ARFIP1: variants seen among roughly 807,000 people sequenced by gnomAD.
ARFIP1 encodes arfaptin-1.
In ARFIP1, 24 loss-of-function variants were observed where a neutral mutation model predicts 42.5. The observed-to-expected ratio is 0.57, with a 90% confidence interval of 0.41 to 0.80. The LOEUF (loss-of-function observed/expected upper bound fraction) is 0.80, where lower values mean the gene tolerates loss of function less well. Among genes scored for constraint, ARFIP1 ranks in the 30% least tolerant of loss-of-function variants. The probability of loss-of-function intolerance (pLI) is 0.00; values close to 1 mark genes in which losing one functional copy is unlikely to be tolerated. For synonymous variants in ARFIP1, 141 were observed against 153.7 expected (o/e 0.92, Z 0.61); for missense variants, 354 against 434.0 (o/e 0.82, Z 1.64).
In ARFIP1 at chr4:152,847,124, C is replaced by CTTTTTTTTTTT. The variant is rs771661005; in HGVS notation, c.94-16468_94-16458dup. ...GTATGTTAATGTTTTTAGGTTTGTTCTTTTTTTTTTTTTTTTTTTTTTTTG... is the reference window on the plus strand; with the variant it reads ...GTATGTTAATGTTTTTAGGTTTGTTCTTTTTTTTTTTTTTTTTTTTTTTTTTTTTTTTTTTG... On this transcript the variant is annotated intron_variant, in intron 2 of 8. Coordinates refer to ENST00000353617, the MANE Select transcript of ARFIP1 (RefSeq NM_001025595.3). Among the ~76,000 whole-genome samples, 224 of 40,548 alleles carry CTTTTTTTTTTT rather than the reference C, an allele frequency of 5.5e-3. 46 individuals are homozygous for CTTTTTTTTTTT. Among genetic ancestry groups the CTTTTTTTTTTT allele is most frequent in the South Asian group, 0.016 (13 of 814 alleles). The allele number at this position is 40,548 out of a possible 152,430, so 26.6% of individuals were successfully genotyped here. A position where few individuals can be genotyped will look rare whatever the true frequency, so the allele number is the denominator to read the frequency against.
intron 8 of ARFIP1, among the ~76,000 whole-genome samples, chr4:152,909,781 ATTT>A (rs1402752854): frequency 6.6e-6 from 1 of 152,220 alleles, no homozygotes; most frequent in Non-Finnish European, 1.5e-5. Context: ...ATTTAATGAT[ATTT>A]TTAATTAATC....
rs1738781538 is a variant in ARFIP1, at chr4:152,910,745, A to G, written c.*526A>G. ...CACACAGAGGCAGCAGCTCTAATGAATGATTAGCTTGTGGAGTTGTGGCAA... is the reference window on the plus strand; with the variant it reads ...CACACAGAGGCAGCAGCTCTAATGAGTGATTAGCTTGTGGAGTTGTGGCAA... On this transcript the variant is annotated 3_prime_UTR_variant, in exon 9 of 9. Transcript: ENST00000353617. The G allele has an allele frequency of 6.6e-6, 1 of 152,438 alleles. No homozygotes were observed. The highest frequency in any genetic ancestry group is 2.4e-5 in the African/African-American group (1 of 41,568). The allele number at this position is 152,438 out of a possible 1,614,324, so 9.4% of individuals were successfully genotyped here.
At chr4:152,785,870 A>G (rs1730773517) in intron 1 of ARFIP1, among the ~76,000 whole-genome samples, 1 of 152,242 alleles carries the variant, frequency 6.6e-6, no homozygotes, top group Non-Finnish European at 1.5e-5. Flanking sequence ...GCCACATTTC[A>G]GTGTCAGTAT....
intron 3 of ARFIP1, among the ~76,000 whole-genome samples, chr4:152,866,985 G>C (rs563641848): frequency 6.6e-6 from 1 of 150,890 alleles, no homozygotes; most frequent in Non-Finnish European, 1.5e-5. Flanking sequence ...GATGGCGGCC[G>C]GGCAGAGACG....
intron 8 of ARFIP1, among the ~76,000 whole-genome samples, chr4:152,909,547 G>A (rs1414814510): frequency 6.6e-6 from 1 of 152,092 alleles, no homozygotes; most frequent in Non-Finnish European, 1.5e-5. Flanking sequence ...AAATAATTGA[G>A]AGTCATATGA....
intron 2 of ARFIP1, among the ~76,000 whole-genome samples, chr4:152,844,792 A>T (rs576676946): frequency 6.6e-6 from 1 of 152,312 alleles, no homozygotes; most frequent in Non-Finnish European, 1.5e-5. Context: ...TACTGCCTAA[A>T]GCAGTCTACA....
At chr4:152,780,483 G>A (rs753285751) in intron 1 of ARFIP1, among the ~76,000 whole-genome samples, 2 of 152,232 alleles carry the variant, frequency 1.3e-5, no homozygotes, top group Non-Finnish European at 2.9e-5. Flanking sequence ...CACTCTCTTG[G>A]CTTTGCATAC....
intron 2 of ARFIP1, among the ~76,000 whole-genome samples, chr4:152,842,121 C>A (rs2149857069): frequency 6.6e-6 from 1 of 152,158 alleles, no homozygotes; most frequent in East Asian, 1.9e-4. Context: ...CACACCCAAC[C>A]AATCAGATAG....
chr4:152,809,019 T>G (rs1455090421), intron 1 of ARFIP1, among the ~76,000 whole-genome samples: 1 of 152,072 alleles, frequency 6.6e-6, no homozygotes, highest in Non-Finnish European at 1.5e-5. Flanking sequence ...ACCACTGCAT[T>G]CCAGCCTGGG....
At chr4:152,859,121 C>T (rs1464649497) in intron 2 of ARFIP1, among the ~76,000 whole-genome samples, 5 of 152,094 alleles carry the variant, frequency 3.3e-5, no homozygotes, top group East Asian at 1.9e-4. Flanking sequence ...ACAGGGCAGT[C>T]GCACCAATTG....
In ARFIP1 at chr4:152,804,300, TTA is replaced by T. The variant is rs567762907; in HGVS notation, c.-10+24085_-10+24086del. Reference sequence around the variant, plus strand: ...TATAACATAACATGTATTATATATATTATATATATATAACATAACATGTATTA... The same window carrying T: ...TATAACATAACATGTATTATATATATTATATATATAACATAACATGTATTA... On this transcript the variant is annotated intron_variant, in intron 1 of 8. Coordinates refer to ENST00000353617, the MANE Select transcript of ARFIP1 (RefSeq NM_001025595.3). 4.7e-3 allele frequency among the ~76,000 whole-genome samples: 111 copies of T among 23,870 alleles called. 9 individuals are homozygous for T. The highest frequency in any genetic ancestry group is 0.022 in the African/African-American group (97 of 4,344). 15.7% of individuals were successfully genotyped at this position (23,870 alleles called of 152,430 possible).
intron 1 of ARFIP1, among the ~76,000 whole-genome samples, chr4:152,825,038 A>G (rs1268915690): frequency 2.0e-5 from 3 of 151,982 alleles, no homozygotes; most frequent in African/African-American, 4.8e-5. Context: ...AAAAATCTTC[A>G]CAAGGAGAAC....
chr4:152,865,343 G>T (rs1014600352), intron 3 of ARFIP1, among the ~76,000 whole-genome samples: 6 of 152,042 alleles, frequency 3.9e-5, no homozygotes, highest in African/African-American at 1.4e-4. Context: ...CACTATGTTG[G>T]CCAGGCTGGT....
intron 1 of ARFIP1, among the ~76,000 whole-genome samples, chr4:152,806,686 C>G (rs368067790): frequency 8.5e-4 from 130 of 152,212 alleles, no homozygotes; most frequent in East Asian, 5.0e-3. Flanking sequence ...TCAGTTCTTC[C>G]CTACATTACT....
At chr4:152,882,518 A>G (rs1010003915) in intron 6 of ARFIP1, among the ~76,000 whole-genome samples, 3 of 152,174 alleles carry the variant, frequency 2.0e-5, no homozygotes, top group Admixed American at 1.3e-4. Context: ...ATCTGAGCTG[A>G]TGACAATTTT....
chr4:152,838,882 CT>C (rs1731856617), intron 2 of ARFIP1, among the ~76,000 whole-genome samples: 1 of 152,126 alleles, frequency 6.6e-6, no homozygotes, highest in African/African-American at 2.4e-5. Context: ...ATGCTTTCAA[CT>C]TTTCCCCATT....
chr4:152,828,947 C>T lies in ARFIP1; in HGVS notation c.-9-678C>T, dbSNP rs141240946. Among the ~76,000 whole-genome samples, 689 of 152,290 alleles carry T rather than the reference C, an allele frequency of 4.5e-3. 12 individuals carry two copies. The highest frequency in any genetic ancestry group is 0.025 in the Admixed American group (382 of 15,288). ...TCATTTTTTGCATGTGGATGTCCAG[C>T]ACCATTATTCCAGCACCATTGTGGA... On this transcript the variant is annotated intron_variant, in intron 1 of 8. Coordinates refer to ENST00000353617, the MANE Select transcript of ARFIP1 (RefSeq NM_001025595.3).
chr4:152,883,070 C>T (rs1486465161), intron 7 of ARFIP1, among the ~76,000 whole-genome samples, 190 bp downstream of exon 7: 1 of 152,120 alleles, frequency 6.6e-6, no homozygotes, highest in African/African-American at 2.4e-5. Flanking sequence ...CAACCAAGAA[C>T]CAAAGCCAAG....
intron 2 of ARFIP1, among the ~76,000 whole-genome samples, chr4:152,840,590 C>A (rs1731978821): frequency 6.6e-6 from 1 of 152,090 alleles, no homozygotes; most frequent in African/African-American, 2.4e-5. Context: ...TTTTTGTGTG[C>A]ATTGGCATAA....
Sources: gnomAD v4.1 joint callset for allele counts (sites outside exome capture counted in the v4.1 genomes callset) on GRCh38, gnomAD v4.1.1 for gene constraint, MANE v1.5 for transcripts, NCBI Gene and HGNC (gene_info 2026-07-23, HGNC 2026-07-21) for gene names.